The following TUBD1 variants were observed in gnomAD, a reference collection of about 807,000 sequenced individuals.
TUBD1 encodes tubulin delta 1, also known as tubulin delta chain.
TUBD1 carries 38 observed loss-of-function variants against 51.2 expected under a neutral mutation model. That is an observed-to-expected ratio of 0.74 (90% CI 0.57 to 0.97). The LOEUF is 0.97. TUBD1 is among the 50% of genes least tolerant of loss of function. The pLI is 0.00. For synonymous variants in TUBD1, 169 were observed against 178.2 expected (o/e 0.95, Z 0.41); for missense variants, 489 against 538.4 (o/e 0.91, Z 0.91).
chr17:59,864,824 A>G (rs1470032464), intron 7 of TUBD1, among the ~76,000 whole-genome samples: 1 of 151,300 alleles, frequency 6.6e-6, no homozygotes, highest in Non-Finnish European at 1.5e-5. Flanking sequence ...TTCTTTCTCT[A>G]AGGGGCATTA....
intron 1 of TUBD1, 85 bp from the exon 2 acceptor site, chr17:59,891,126 A>G: frequency 1.3e-6 from 1 of 747,602 alleles, no homozygotes; most frequent in Non-Finnish European, 2.1e-6. Context: ...TTATACATCA[A>G]TAAAAAGTCT....
chr17:59,868,613 G>C (rs766810489), intron 6 of TUBD1, among the ~76,000 whole-genome samples: 3 of 152,060 alleles, frequency 2.0e-5, no homozygotes, highest in East Asian at 1.9e-4. Context: ...GCAGAGGGGG[G>C]GGATCACGAG....
intron 3 of TUBD1, among the ~76,000 whole-genome samples, chr17:59,884,026 G>A (rs958005425): frequency 4.0e-5 from 6 of 151,868 alleles, no homozygotes; most frequent in African/African-American, 1.4e-4. Context: ...TTTGGGAGGC[G>A]GAGGTGGGTG....
At position 59,879,435 on chromosome 17, in the gene TUBD1, T is replaced by C. The variant is rs535228672; in HGVS notation, c.538-1101A>G. On this transcript the variant is annotated intron_variant, in intron 4 of 8. Transcript: ENST00000325752. ...TCAGTTCCTGAAAGAAGCACAATCA[T>C]CTTCTCTGACTTTTTTTTGAAACAG... 1.1e-4 allele frequency among the ~76,000 whole-genome samples: 17 copies of C among 152,242 alleles called. No individual in the cohort carries two copies. The East Asian group carries it at 3.3e-3, about 29-fold the overall frequency.
chr17:59,884,550 G>A (rs1201236628), intron 3 of TUBD1: 1 of 152,248 alleles, frequency 6.6e-6, no homozygotes, highest in East Asian at 1.9e-4. Flanking sequence ...GGAGGCAGAG[G>A]TTGCAGTGAG....
intron 2 of TUBD1, among the ~76,000 whole-genome samples, chr17:59,889,700 G>GAA (rs2040906713): frequency 7.2e-6 from 1 of 139,090 alleles, no homozygotes; most frequent in Non-Finnish European, 1.6e-5. Flanking sequence ...AAAAGAAAAA[G>GAA]AAAGAGAGCC....
At chr17:59,892,370 T>G (rs1310693305) in intron 1 of TUBD1, among the ~76,000 whole-genome samples, 2 of 152,196 alleles carry the variant, frequency 1.3e-5, no homozygotes, top group African/African-American at 4.8e-5. Flanking sequence ...AGCGAGACCC[T>G]GTCTCCATTT....
At position 59,859,785 on chromosome 17, in the gene TUBD1, T is replaced by A. The variant is rs1311036860; in HGVS notation, c.*537A>T. 6.6e-6 allele frequency: 1 copy of A among 152,328 alleles called. No individual in the cohort carries two copies. The highest frequency in any genetic ancestry group is 1.5e-5 in the Non-Finnish European group (1 of 68,062). The allele number at this position is 152,328 out of a possible 1,614,324, so 9.4% of individuals were successfully genotyped here. On this transcript the variant is annotated 3_prime_UTR_variant, in exon 9 of 9. Coordinates refer to ENST00000325752, the MANE Select transcript of TUBD1 (RefSeq NM_016261.4). ...ACATGTAGACAAAGAGAATATTCTC[T>A]TTTCTTGGCTAGTTCCAGAGTCCCA...
intron 2 of TUBD1, among the ~76,000 whole-genome samples, chr17:59,887,348 G>GA (rs1487624279): frequency 6.6e-6 from 1 of 151,798 alleles, no homozygotes; most frequent in Non-Finnish European, 1.5e-5. Context: ...CTCCAGCTTG[G>GA]GCAAGAGTGA....
chr17:59,889,544 C>CTA (rs986064470), intron 2 of TUBD1, among the ~76,000 whole-genome samples: 13 of 150,780 alleles, frequency 8.6e-5, no homozygotes, highest in African/African-American at 2.7e-4. Flanking sequence ...TGGCGCATGC[C>CTA]TGTAGTCCCA....
intron 8 of TUBD1, among the ~76,000 whole-genome samples, chr17:59,860,712 G>A (rs565819295): frequency 2.0e-5 from 3 of 151,662 alleles, no homozygotes; most frequent in Non-Finnish European, 2.9e-5. Context: ...TCAGCCTCCC[G>A]AGTAGCTGGG....
chr17:59,870,500 T>TC (rs1158187819), intron 6 of TUBD1, among the ~76,000 whole-genome samples: 1 of 150,886 alleles, frequency 6.6e-6, no homozygotes, highest in Admixed American at 6.6e-5. Flanking sequence ...AGGAGTGCGC[T>TC]CTTCCACCCT....
Position 59,892,837 on chromosome 17 carries a change from A to C in TUBD1, c.-180T>G, listed in dbSNP as rs568176251. 1 of 248,250 alleles carries C rather than the reference A, an allele frequency of 4.0e-6. No homozygotes were observed. The highest frequency in any genetic ancestry group is 8.1e-6 in the Non-Finnish European group (1 of 124,040). The allele number at this position is 248,250 out of a possible 1,614,324, so 15.4% of individuals were successfully genotyped here. A position where few individuals can be genotyped will look rare whatever the true frequency, so the allele number is the denominator to read the frequency against. On this transcript the variant is annotated 5_prime_UTR_variant, in exon 1 of 9. Transcript: ENST00000325752. ...AAACGGAGAGTTTTGTTGTGTATAT[A>C]TTTTTTCCTATTCAGAAAGATTAAT...
intron 2 of TUBD1, among the ~76,000 whole-genome samples, chr17:59,887,974 C>G (rs1371886603): frequency 6.6e-6 from 1 of 151,386 alleles, no homozygotes; most frequent in Non-Finnish European, 1.5e-5. Context: ...TCGCTCTGTC[C>G]CGCAGGCTGG....
chr17:59,870,296 C>CGG (rs1190352353), intron 6 of TUBD1, among the ~76,000 whole-genome samples: 1 of 140,304 alleles, frequency 7.1e-6, no homozygotes, highest in Non-Finnish European at 1.5e-5. Flanking sequence ...TCACCTGAAC[C>CGG]TGGGAGGTGG....
chr17:59,871,789 G>A (rs2039991860), intron 6 of TUBD1, among the ~76,000 whole-genome samples: 1 of 151,880 alleles, frequency 6.6e-6, no homozygotes, highest in African/African-American at 2.4e-5. Context: ...AACATATTAA[G>A]AAAGAATTCT....
At chr17:59,872,333 G>A (rs779683087) in intron 6 of TUBD1, among the ~76,000 whole-genome samples, 1 of 151,848 alleles carries the variant, frequency 6.6e-6, no homozygotes. Flanking sequence ...GGCCTCAAGC[G>A]ATCCTCCTGC....
At chr17:59,889,736 AAGGC>A (rs2040908821) in intron 2 of TUBD1, among the ~76,000 whole-genome samples, 1 of 151,568 alleles carries the variant, frequency 6.6e-6, no homozygotes, top group Non-Finnish European at 1.5e-5. Flanking sequence ...TTGGGAGGCC[AAGGC>A]AGGCGGATCA....
chr17:59,869,738 G>A (rs1436765531), intron 6 of TUBD1, among the ~76,000 whole-genome samples: 1 of 152,000 alleles, frequency 6.6e-6, no homozygotes, highest in East Asian at 1.9e-4. Flanking sequence ...TCTAAAATCC[G>A]TAAGATATTA....
Sources: gnomAD v4.1 joint callset for allele counts (sites outside exome capture counted in the v4.1 genomes callset) on GRCh38, gnomAD v4.1.1 for gene constraint, MANE v1.5 for transcripts, NCBI Gene and HGNC (gene_info 2026-07-23, HGNC 2026-07-21) for gene names.